Variants in ARSJ observed in about 807,000 individuals in gnomAD.
ARSJ encodes arylsulfatase J.
A neutral mutation model predicts 35.9 loss-of-function variants in ARSJ; 26 were observed. The observed-to-expected ratio is 0.72, with a 90% CI of 0.53 to 1.00. The LOEUF is 1.00. ARSJ is among the 50% of genes least tolerant of loss of function. The pLI is 0.00. For missense variants in ARSJ, 667 were observed against 723.6 expected (o/e 0.92, Z 0.90); for synonymous variants, 294 against 267.6 (o/e 1.10, Z -0.96).
intron 1 of ARSJ, among the ~76,000 whole-genome samples, chr4:113,950,570 A>T (rs961966074): frequency 1.3e-5 from 2 of 152,054 alleles, no homozygotes; most frequent in African/African-American, 4.8e-5. Flanking sequence ...GGTGAATATA[A>T]GATGAGGGAA....
chr4:113,924,802 C>T (rs4834365), intron 1 of ARSJ, among the ~76,000 whole-genome samples: 110,031 of 152,092 alleles, frequency 0.72, 40,351 homozygotes, highest in East Asian at 0.81. Context: ...GGAGGAAATA[C>T]TCATGACAGT....
Position 113,944,908 on chromosome 4 carries a change from C to A in ARSJ, c.398+33529G>T, listed in dbSNP as rs1725379735. On this transcript the variant is annotated intron_variant, in intron 1 of 1. Transcript: ENST00000315366. ...TGTATACATATATATATATCCGTAT[C>A]TGTATATCTATCTATCTGTCTTCAA... is the stretch of plus-strand genomic sequence containing the variant. Among the ~76,000 whole-genome samples, 3 of 151,902 alleles carry A rather than the reference C, an allele frequency of 2.0e-5. No homozygotes were observed. In the South Asian group the frequency reaches 6.2e-4, roughly 32 times the overall value.
At chr4:113,952,219 A>C (rs1725906239) in intron 1 of ARSJ, among the ~76,000 whole-genome samples, 2 of 152,034 alleles carry the variant, frequency 1.3e-5, no homozygotes, top group Non-Finnish European at 2.9e-5. Context: ...ACTGCAAGAA[A>C]TTTAAGTGAT....
intron 1 of ARSJ, among the ~76,000 whole-genome samples, chr4:113,939,166 GT>G (rs1028851567): frequency 7.4e-5 from 11 of 149,082 alleles, no homozygotes; most frequent in Non-Finnish European, 1.6e-4. Flanking sequence ...GCGGTGTTTG[GT>G]TTTTTGTCCT....
chr4:113,921,166 A>T (rs1373825286), intron 1 of ARSJ, among the ~76,000 whole-genome samples: 3 of 152,068 alleles, frequency 2.0e-5, no homozygotes, highest in Non-Finnish European at 4.4e-5. Flanking sequence ...TAAAAATTAT[A>T]AGCTTCAAAC....
intron 1 of ARSJ, among the ~76,000 whole-genome samples, chr4:113,907,172 C>A (rs2099669013): frequency 6.6e-6 from 1 of 152,166 alleles, no homozygotes; most frequent in Non-Finnish European, 1.5e-5. Context: ...TCTTGAGAAG[C>A]AAATCTGTTC....
chr4:113,921,082 TACACACACACAC>T (rs746326993), intron 1 of ARSJ, among the ~76,000 whole-genome samples: 14 of 129,666 alleles, frequency 1.1e-4, no homozygotes, highest in South Asian at 2.8e-4. Context: ...TTCCCTGAAA[TACACACACACAC>T]ACACACACAC....
At position 113,902,528 on chromosome 4, in the gene ARSJ, C is replaced by T. The variant is rs965721344; in HGVS notation, c.1546G>A (p.Val516Met). ...VDLSNRYPGI[V>M]KKLLRRLSQF... is the part of the protein sequence containing the mutation. ...GAGAGCCTCCGTAGGAGCTTCTTCA[C>T]GATTCCTGGATACCTGTTAGATAGG... The change falls in exon 2 of 2, where the codon GTG (valine) becomes ATG (methionine). Residue 516 changes from valine to methionine, a missense_variant. Coordinates refer to ENST00000315366, the MANE Select transcript of ARSJ (RefSeq NM_024590.4). The T allele has an allele frequency of 1.9e-6, 3 of 1,614,138 alleles. No homozygotes were observed. The African/African-American group carries it at 4.0e-5, about 22-fold the overall frequency.
At chr4:113,922,784 A>C (rs551246137) in intron 1 of ARSJ, among the ~76,000 whole-genome samples, 56 of 152,190 alleles carry the variant, frequency 3.7e-4, no homozygotes, top group Non-Finnish European at 7.4e-4. Flanking sequence ...GATTCTTTCC[A>C]GTGTACTCCA....
At chr4:113,942,698 G>A (rs972447530) in intron 1 of ARSJ, among the ~76,000 whole-genome samples, 2 of 151,912 alleles carry the variant, frequency 1.3e-5, no homozygotes, top group Non-Finnish European at 1.5e-5. Flanking sequence ...CTTGGCATAC[G>A]CACAACAAAC....
At position 113,903,156 on chromosome 4, in the gene ARSJ, G is replaced by A. The variant is rs924296735; in HGVS notation, c.918C>T (p.Asn306=). The A allele has an allele frequency of 1.1e-5, 17 of 1,614,156 alleles. No individual in the cohort carries two copies. The highest frequency in any genetic ancestry group is 1.4e-5 in the Non-Finnish European group (16 of 1,180,028). The change falls in exon 2 of 2, where the codon AAC becomes AAT. Residue 306 remains asparagine, a synonymous_variant. Coordinates refer to ENST00000315366, the MANE Select transcript of ARSJ (RefSeq NM_024590.4). The part of the protein sequence containing the change: ...MLSCLDEAIN[N]VTLALKTYGF... ...CATAAGTCTTTAGAGCCAATGTCAC[G>A]TTGTTGATTGCTTCATCTAAGCAGG...
chr4:113,948,305 T>C (rs1364402173), intron 1 of ARSJ, among the ~76,000 whole-genome samples: 1 of 152,164 alleles, frequency 6.6e-6, no homozygotes, highest in Non-Finnish European at 1.5e-5. Context: ...AATTACCTGT[T>C]GAAATTTATA....
At chr4:113,904,322 G>A (rs1253274274) in intron 1 of ARSJ, among the ~76,000 whole-genome samples, 1 of 152,154 alleles carries the variant, frequency 6.6e-6, no homozygotes, top group Non-Finnish European at 1.5e-5. Flanking sequence ...TAAGAGAAAA[G>A]ATATACGGAA....
rs916137201 is a variant in ARSJ, at chr4:113,902,048, A to G, written c.*226T>C. On this transcript the variant is annotated 3_prime_UTR_variant, in exon 2 of 2. Coordinates refer to ENST00000315366, the MANE Select transcript of ARSJ (RefSeq NM_024590.4). ...TTCTAAAGGAGCAAGAGAAATAAAC[A>G]TCTCCACTCTCTCTAAGTGTGGCTT... 7.4e-7 allele frequency: 1 copy of G among 1,352,808 alleles called. No homozygotes were observed. The highest frequency in any genetic ancestry group is 1.0e-6 in the Non-Finnish European group (1 of 1,003,040). 83.8% of individuals were successfully genotyped at this position (1,352,808 alleles called of 1,614,324 possible). A position where few individuals can be genotyped will look rare whatever the true frequency, so the allele number is the denominator to read the frequency against.
chr4:113,926,744 G>T (rs1384523258), intron 1 of ARSJ, among the ~76,000 whole-genome samples: 1 of 152,164 alleles, frequency 6.6e-6, no homozygotes, highest in African/African-American at 2.4e-5. Flanking sequence ...TCCAGTTCAT[G>T]ATAGGCAGTT....
At chr4:113,937,010 A>G (rs1204958674) in intron 1 of ARSJ, among the ~76,000 whole-genome samples, 1 of 151,884 alleles carries the variant, frequency 6.6e-6, no homozygotes, top group Non-Finnish European at 1.5e-5. Flanking sequence ...ACACAAAACT[A>G]TTTTCAAAGA....
intron 1 of ARSJ, among the ~76,000 whole-genome samples, chr4:113,943,068 ACCT>A (rs1472604056): frequency 6.6e-6 from 1 of 151,998 alleles, no homozygotes; most frequent in Non-Finnish European, 1.5e-5. Flanking sequence ...GAAGCCACTA[ACCT>A]CCTTTTGGCC....
At chr4:113,913,241 C>T (rs945122674) in intron 1 of ARSJ, among the ~76,000 whole-genome samples, 1 of 152,152 alleles carries the variant, frequency 6.6e-6, no homozygotes, top group Non-Finnish European at 1.5e-5. Flanking sequence ...TTGCAATTGC[C>T]TTACTCATCC....
At chr4:113,972,537 T>C (rs1457687491) in intron 1 of ARSJ, among the ~76,000 whole-genome samples, 1 of 152,110 alleles carries the variant, frequency 6.6e-6, no homozygotes, top group Non-Finnish European at 1.5e-5. Context: ...AGAGATGGGG[T>C]CTTGCTCTGT....
Sources: allele counts gnomAD v4.1 joint callset (sites outside exome capture counted in the v4.1 genomes callset), GRCh38; gene constraint gnomAD v4.1.1; transcripts MANE v1.5; gene names NCBI Gene and HGNC (gene_info 2026-07-23, HGNC 2026-07-21).